Variants in CDKL5 observed in about 807,000 individuals in gnomAD.
CDKL5 encodes the protein cyclin-dependent kinase-like 5.
Under a neutral mutation model 61.7 loss-of-function variants are expected in CDKL5, and 8 were observed. The observed-to-expected ratio is 0.13, with a 90% confidence interval of 0.08 to 0.23. CDKL5 has a LOEUF of 0.23. Among genes scored for constraint, CDKL5 ranks in the 10% least tolerant of loss-of-function variants. The pLI is 1.00. For synonymous variants in CDKL5, 275 were observed against 272.3 expected (o/e 1.01, Z -0.10); for missense variants, 440 against 734.5 (o/e 0.60, Z 4.63).
chrX:18,604,958 A>G (rs1926313549), intron 12 of CDKL5, 90 bp downstream of exon 12: 3 of 1,031,377 alleles, frequency 2.9e-6, no homozygotes, highest in East Asian at 3.0e-5. Flanking sequence ...TATTTTCCCT[A>G]CTACAGGAGG....
In CDKL5 at chrX:18,634,147, T is replaced by C. The variant is rs950210042; in HGVS notation, c.*5390T>C. On this transcript the variant is annotated 3_prime_UTR_variant, in exon 18 of 18. Coordinates refer to ENST00000623535, the MANE Select transcript of CDKL5 (RefSeq NM_001323289.2). ...TCTGAAAATCGGTCTCCATGTTGTATGCAGATTAGAAGTTGCCTTGTTTGT... is the reference window on the plus strand; with the variant it reads ...TCTGAAAATCGGTCTCCATGTTGTACGCAGATTAGAAGTTGCCTTGTTTGT... 7 of 752,258 alleles carry C rather than the reference T, an allele frequency of 9.3e-6. No homozygotes were observed. The highest frequency in any genetic ancestry group is 2.3e-5 in the African/African-American group (1 of 43,131). The allele number at this position is 752,258 out of a possible 1,213,427, so 62.0% of individuals were successfully genotyped here.
intron 3 of CDKL5, among the ~76,000 whole-genome samples, chrX:18,544,576 A>T (rs758945802): frequency 8.9e-6 from 1 of 112,153 alleles, no homozygotes; most frequent in Admixed American, 9.5e-5. Flanking sequence ...TGGTAGAGCC[A>T]GGATTCAAAT....
chrX:18,643,327 G>A (rs765827608), downstream of CDKL5, among the ~76,000 whole-genome samples: 18 of 111,333 alleles, frequency 1.6e-4, no homozygotes, highest in East Asian at 4.8e-3. Flanking sequence ...AACGGGAAGG[G>A]CCTGGTCTGC....
At chrX:18,514,104 C>A (rs1009257410) in intron 3 of CDKL5, among the ~76,000 whole-genome samples, 1 of 110,842 alleles carries the variant, frequency 9.0e-6, no homozygotes, top group African/African-American at 3.3e-5. Context: ...CTTTTTTAAT[C>A]TGTGTACTGT....
intron 3 of CDKL5, among the ~76,000 whole-genome samples, chrX:18,564,218 C>T (rs750084232): frequency 1.8e-5 from 2 of 111,448 alleles, no homozygotes; most frequent in Non-Finnish European, 3.8e-5. Flanking sequence ...TTATGAGTTA[C>T]GCATATTCTG....
intron 1 of CDKL5, among the ~76,000 whole-genome samples, chrX:18,450,635 C>T (rs1042404996): frequency 3.6e-5 from 4 of 110,710 alleles, no homozygotes; most frequent in African/African-American, 6.6e-5. Flanking sequence ...AGTGCAATGG[C>T]GCAGTCTTGG....
intron 1 of CDKL5, among the ~76,000 whole-genome samples, chrX:18,479,678 A>G (rs1921477292): frequency 9.0e-6 from 1 of 111,146 alleles, no homozygotes; most frequent in Admixed American, 9.6e-5. Flanking sequence ...TTCCCATTAC[A>G]TGTATGTTGT....
At chrX:18,573,586 G>C (rs1404911321) in intron 4 of CDKL5, among the ~76,000 whole-genome samples, 1 of 112,379 alleles carries the variant, frequency 8.9e-6, no homozygotes, top group Non-Finnish European at 1.9e-5. Context: ...GACATCCACT[G>C]TCATGCTCTT....
intron 1 of CDKL5, among the ~76,000 whole-genome samples, chrX:18,460,547 G>A: frequency 9.0e-6 from 1 of 110,986 alleles, no homozygotes; most frequent in Admixed American, 9.6e-5. Flanking sequence ...TGCCCAGGCT[G>A]GGGTGCAGGG....
chrX:18,456,924 T>C (rs1044924984), intron 1 of CDKL5, among the ~76,000 whole-genome samples: 16 of 111,423 alleles, frequency 1.4e-4, no homozygotes, highest in African/African-American at 4.2e-4. Context: ...AATATGCTTT[T>C]CTATCTTCTA....
At chrX:18,544,948 C>T (rs1271949543) in intron 3 of CDKL5, among the ~76,000 whole-genome samples, 1 of 111,355 alleles carries the variant, frequency 9.0e-6, no homozygotes, top group Non-Finnish European at 1.9e-5. Context: ...CTGCTTTTGG[C>T]CAAGTGCAGT....
intron 3 of CDKL5, among the ~76,000 whole-genome samples, chrX:18,531,460 T>C (rs1162684208): frequency 8.9e-6 from 1 of 111,815 alleles, no homozygotes; most frequent in Non-Finnish European, 1.9e-5. Flanking sequence ...TAAGATTTAG[T>C]CCCCAGGAGT....
chrX:18,482,569 A>G (rs760376897), intron 1 of CDKL5, among the ~76,000 whole-genome samples: 1 of 111,646 alleles, frequency 9.0e-6, no homozygotes, highest in South Asian at 3.7e-4. Context: ...TTAGGGCTAA[A>G]GGTAATTGAA....
intron 4 of CDKL5, among the ~76,000 whole-genome samples, chrX:18,566,242 C>A (rs1314202397): frequency 8.9e-6 from 1 of 111,823 alleles, no homozygotes; most frequent in Non-Finnish European, 1.9e-5. Context: ...ACCTCCACTC[C>A]CCGGGCTCAA....
chrX:18,575,553 ATTAT>A (rs1388337752), intron 5 of CDKL5, 63 bp downstream of exon 5: 1 of 1,052,655 alleles, frequency 9.5e-7, no homozygotes, highest in Admixed American at 2.2e-5. Context: ...TGTTTCTGAC[ATTAT>A]TTAAGAAAGT....
rs747764150 is a variant in CDKL5, at chrX:18,625,221, G to A, written c.2470G>A (p.Glu824Lys). 3 of 1,209,047 alleles carry A rather than the reference G, an allele frequency of 2.5e-6. No individual in the cohort carries two copies. Among genetic ancestry groups the A allele is most frequent in the Admixed American group, 2.2e-5 (1 of 45,872 alleles). Residue 824 changes from glutamate (E) to lysine (K), a missense_variant, in exon 17 of 18, where the codon GAG (glutamate) becomes AAG (lysine). Physicochemically the swap from Glu to Lys is moderately conservative, Grantham distance 56. Coordinates refer to ENST00000623535, the MANE Select transcript of CDKL5 (RefSeq NM_001323289.2). ...PSSRPKEWRP[E>K]KISDLQTQSQ... is the part of the protein sequence containing the mutation. ...CAGCAGACCAAAGGAGTGGCGCCCCGAGAAGATCTCAGATCTGCAGACCCA... is the reference window on the plus strand; with the variant it reads ...CAGCAGACCAAAGGAGTGGCGCCCCAAGAAGATCTCAGATCTGCAGACCCA...
intron 15 of CDKL5, among the ~76,000 whole-genome samples, chrX:18,619,027 T>C (rs989481386): frequency 4.5e-5 from 5 of 111,282 alleles, no homozygotes; most frequent in Non-Finnish European, 7.5e-5. Context: ...CATTTCATCA[T>C]GTCTGAAGTT....
At chrX:18,520,024 A>G (rs1047245233) in intron 3 of CDKL5, among the ~76,000 whole-genome samples, 1 of 111,927 alleles carries the variant, frequency 8.9e-6, no homozygotes, top group African/African-American at 3.2e-5. Flanking sequence ...TGAAAGCCAT[A>G]CAAGTCAGTA....
Position 18,632,108 on chromosome X carries a change from A to G in CDKL5, c.*3351A>G. The G allele has an allele frequency of 4.0e-6, 3 of 752,997 alleles. No individual in the cohort carries two copies. The highest frequency in any genetic ancestry group is 4.7e-6 in the Non-Finnish European group (3 of 638,123). 62.1% of individuals were successfully genotyped at this position (752,997 alleles called of 1,213,427 possible). On this transcript the variant is annotated 3_prime_UTR_variant, in exon 18 of 18. Coordinates refer to ENST00000623535, the MANE Select transcript of CDKL5 (RefSeq NM_001323289.2). ...TGCTGAGGTTGAGAAACCCTGCCCT[A>G]CACCATCCCAAGCCCACCAGTCTGC... is the stretch of plus-strand genomic sequence containing the variant.
Sources: allele counts gnomAD v4.1 joint callset (sites outside exome capture counted in the v4.1 genomes callset), GRCh38; gene constraint gnomAD v4.1.1; transcripts MANE v1.5; gene names NCBI Gene and HGNC (gene_info 2026-07-23, HGNC 2026-07-21).